GPATCH2: variants seen among roughly 807,000 people sequenced by gnomAD.
GPATCH2 encodes G patch domain-containing protein 2.
Under a neutral mutation model 58.0 loss-of-function variants are expected in GPATCH2, and 51 were observed. That is an observed-to-expected ratio of 0.88 (90% confidence interval 0.70 to 1.11). The LOEUF (loss-of-function observed/expected upper bound fraction) is 1.11. Among genes scored for constraint, GPATCH2 ranks in the 50% most tolerant of loss-of-function variants. The pLI is 0.00. For missense variants in GPATCH2, 625 were observed against 652.2 expected, an observed-to-expected ratio of 0.96 and a Z score of 0.45; for synonymous variants, 222 against 218.5, an observed-to-expected ratio of 1.02 and a Z score of -0.14.
chr1:217,551,163 C>T (rs1239067148), intron 5 of GPATCH2, among the ~76,000 whole-genome samples: 1 of 149,880 alleles, frequency 6.7e-6, no homozygotes, highest in Non-Finnish European at 1.5e-5. Context: ...GTCAGGAGTG[C>T]AAATCTGGTT....
chr1:217,550,368 A>T (rs1381842121), intron 5 of GPATCH2, among the ~76,000 whole-genome samples: 1 of 152,182 alleles, frequency 6.6e-6, no homozygotes, highest in Non-Finnish European at 1.5e-5. Context: ...CTCAGTGCTG[A>T]GTACTGATTT....
intron 5 of GPATCH2, among the ~76,000 whole-genome samples, chr1:217,557,681 T>C (rs1426963052): frequency 6.6e-6 from 1 of 152,204 alleles, no homozygotes; most frequent in East Asian, 1.9e-4. Context: ...AAAAAGTCTA[T>C]CCTTTTCCCA....
chr1:217,598,455 T>G (rs1420057689), intron 5 of GPATCH2, among the ~76,000 whole-genome samples: 1 of 150,516 alleles, frequency 6.6e-6, no homozygotes, highest in Admixed American at 6.6e-5. Flanking sequence ...TAAAAAAAAT[T>G]TTTTTTTTTT....
chr1:217,444,722 A>G (rs1659305070), intron 9 of GPATCH2, among the ~76,000 whole-genome samples: 1 of 152,228 alleles, frequency 6.6e-6, no homozygotes, highest in Non-Finnish European at 1.5e-5. Context: ...TTTAAAATTA[A>G]TAACAATCCC....
At chr1:217,500,801 G>C (rs1334196754) in intron 6 of GPATCH2, among the ~76,000 whole-genome samples, 2 of 151,840 alleles carry the variant, frequency 1.3e-5, no homozygotes, top group African/African-American at 2.4e-5. Context: ...GATCTCCTGA[G>C]CTGATCTGTT....
chr1:217,583,695 C>A (rs750325321), intron 5 of GPATCH2, among the ~76,000 whole-genome samples: 1 of 148,898 alleles, frequency 6.7e-6, no homozygotes, highest in Non-Finnish European at 1.5e-5. Context: ...GGAAGCACAA[C>A]ATAAAAAAAA....
chr1:217,512,796 C>T (rs996509304), intron 6 of GPATCH2, among the ~76,000 whole-genome samples: 8 of 152,202 alleles, frequency 5.3e-5, no homozygotes, highest in Non-Finnish European at 1.2e-4. Flanking sequence ...CTTTCACCAA[C>T]AAGAAATGGG....
intron 5 of GPATCH2, among the ~76,000 whole-genome samples, chr1:217,564,146 A>G (rs141330576): frequency 1.3e-5 from 2 of 151,696 alleles, no homozygotes; most frequent in East Asian, 3.9e-4. Context: ...TTACTCAAAG[A>G]GTTCAAAAAG....
intron 6 of GPATCH2, among the ~76,000 whole-genome samples, chr1:217,499,693 G>A (rs1224186743): frequency 2.0e-5 from 3 of 150,012 alleles, no homozygotes; most frequent in African/African-American, 4.9e-5. Context: ...TAGTTCCTCT[G>A]ACAGCTTGAC....
At chr1:217,537,521 C>T (rs11806776) in intron 5 of GPATCH2, among the ~76,000 whole-genome samples, 4,178 of 152,188 alleles carry the variant, frequency 0.027, 85 homozygotes, top group East Asian at 0.077. Context: ...AACCCTGTCT[C>T]TCCTAACTAT....
intron 9 of GPATCH2, among the ~76,000 whole-genome samples, chr1:217,443,136 A>G (rs1403729271): frequency 6.6e-6 from 1 of 152,220 alleles, no homozygotes; most frequent in Non-Finnish European, 1.5e-5. Flanking sequence ...ATATTAATTT[A>G]GCTTTTAGTA....
rs932873797 is a variant in GPATCH2, at chr1:217,481,816, G to A, written c.1277+9864C>T. ...AGACTACATATGATGAGCTATGACT[G>A]TACCACTGCACTTTAGCCTGAAAGA... On this transcript the variant is annotated intron_variant, in intron 8 of 9. Transcript: ENST00000366935. Among the ~76,000 whole-genome samples, 9 of 152,192 alleles carry A rather than the reference G, an allele frequency of 5.9e-5. No individual in the cohort carries two copies. In the South Asian group the frequency reaches 1.7e-3, roughly 28 times the overall value.
intron 5 of GPATCH2, among the ~76,000 whole-genome samples, chr1:217,538,174 A>G (rs1664568003): frequency 1.3e-5 from 2 of 152,236 alleles, no homozygotes; most frequent in South Asian, 4.1e-4. Context: ...GAGATCCAAA[A>G]GGCATGATAT....
intron 5 of GPATCH2, among the ~76,000 whole-genome samples, chr1:217,553,553 A>G (rs1044097464): frequency 1.3e-5 from 2 of 152,166 alleles, no homozygotes; most frequent in Non-Finnish European, 2.9e-5. Flanking sequence ...AACAATAGCA[A>G]AGTATTTAGG....
intron 9 of GPATCH2, among the ~76,000 whole-genome samples, chr1:217,446,017 CTAAT>C (rs200495284): frequency 0.019 from 2,858 of 152,104 alleles, 44 homozygotes; most frequent in African/African-American, 0.047. Context: ...TTTAAAGTGC[CTAAT>C]TATAGTTTTC....
chr1:217,433,903 T>G (rs958771456), intron 9 of GPATCH2, among the ~76,000 whole-genome samples: 1 of 152,204 alleles, frequency 6.6e-6, no homozygotes, highest in Non-Finnish European at 1.5e-5. Context: ...ACATGAGTTT[T>G]AATACCTACA....
chr1:217,625,164 T>G (rs1669391248), intron 1 of GPATCH2, among the ~76,000 whole-genome samples: 1 of 152,170 alleles, frequency 6.6e-6, no homozygotes, highest in South Asian at 2.1e-4. Context: ...ACCCAGTAAA[T>G]GAGTGAACTA....
At chr1:217,599,215 C>T (rs540421148) in intron 5 of GPATCH2, among the ~76,000 whole-genome samples, 4 of 152,152 alleles carry the variant, frequency 2.6e-5, no homozygotes, top group Admixed American at 1.3e-4. Flanking sequence ...AGAACAAATC[C>T]GAATTTTATT....
intron 9 of GPATCH2, among the ~76,000 whole-genome samples, chr1:217,434,589 T>C (rs1451880966): frequency 6.6e-6 from 1 of 152,230 alleles, no homozygotes; most frequent in Admixed American, 6.5e-5. Context: ...TGCTCTGGGC[T>C]ATACATCTGT....
Sources: gnomAD v4.1 joint callset for allele counts (sites outside exome capture counted in the v4.1 genomes callset) on GRCh38, gnomAD v4.1.1 for gene constraint, MANE v1.5 for transcripts, NCBI Gene and HGNC (gene_info 2026-07-23, HGNC 2026-07-21) for gene names.